The following HIP1 variants were observed in gnomAD, a reference collection of about 807,000 sequenced individuals.
HIP1 encodes huntingtin interacting protein 1, also known as huntingtin-interacting protein 1.
Under a neutral mutation model 147.6 loss-of-function variants are expected in HIP1, and 65 were observed. The observed-to-expected ratio is 0.44, with a 90% CI of 0.36 to 0.54. The LOEUF is 0.54. HIP1 is among the 20% of genes least tolerant of loss of function. HIP1 has a pLI of 0.00. For missense variants in HIP1, 1,061 were observed against 1,299.6 expected (o/e 0.82, Z 2.82); for synonymous variants, 479 against 504.0 (o/e 0.95, Z 0.67).
chr7:75,595,515 G>C (rs1338667473), intron 2 of HIP1, among the ~76,000 whole-genome samples: 1 of 150,938 alleles, frequency 6.6e-6, no homozygotes, highest in Non-Finnish European at 1.5e-5. Flanking sequence ...GCTAATTTTT[G>C]TTTTTTTTAG....
chr7:75,630,018 C>A (rs1324735933), intron 1 of HIP1, among the ~76,000 whole-genome samples: 3 of 152,078 alleles, frequency 2.0e-5, no homozygotes, highest in African/African-American at 7.2e-5. Flanking sequence ...AATTGCTGGG[C>A]ATGGTGGCAT....
intron 1 of HIP1, among the ~76,000 whole-genome samples, chr7:75,676,714 T>C (rs1554516082): frequency 6.7e-6 from 1 of 150,152 alleles, no homozygotes; most frequent in African/African-American, 2.5e-5. Context: ...AGGCGGAGGT[T>C]GCAGTGGGCC....
intron 1 of HIP1, among the ~76,000 whole-genome samples, chr7:75,608,654 G>C (rs979683475): frequency 1.3e-5 from 2 of 152,166 alleles, no homozygotes; most frequent in Non-Finnish European, 2.9e-5. Flanking sequence ...CTAGACCAAT[G>C]GGCAGAAGTC....
chr7:75,650,567 T>C (rs183005878), intron 1 of HIP1, among the ~76,000 whole-genome samples: 44 of 151,878 alleles, frequency 2.9e-4, no homozygotes, highest in African/African-American at 1.1e-3. Flanking sequence ...ATTTTCCTGT[T>C]TTAGCCTCCC....
Position 75,559,720 on chromosome 7 carries a change from C to A in HIP1, c.1375+12G>T, listed in dbSNP as rs1795152550. ...CCCCCGGGGCCCGCCCCCGCCCCCA[C>A]CCACCGCTCACTTTCTATCTCAGAC... is the stretch of plus-strand genomic sequence containing the variant. On this transcript the variant is annotated intron_variant, in intron 14 of 30. Transcript: ENST00000336926. 6.8e-7 allele frequency: 1 copy of A among 1,477,676 alleles called. No individual in the cohort carries two copies. Among genetic ancestry groups the A allele is most frequent in the East Asian group, 2.5e-5 (1 of 40,468 alleles). 91.5% of individuals were successfully genotyped at this position (1,477,676 alleles called of 1,614,324 possible). A position where few individuals can be genotyped will look rare whatever the true frequency, so the allele number is the denominator to read the frequency against.
At chr7:75,612,764 G>A (rs1319317960) in intron 1 of HIP1, among the ~76,000 whole-genome samples, 2 of 151,654 alleles carry the variant, frequency 1.3e-5, no homozygotes, top group Non-Finnish European at 2.9e-5. Context: ...AGCTGAGATC[G>A]TGCCATTGCA....
At chr7:75,657,994 T>C (rs1760969236) in intron 1 of HIP1, among the ~76,000 whole-genome samples, 1 of 152,166 alleles carries the variant, frequency 6.6e-6, no homozygotes, top group South Asian at 2.1e-4. Flanking sequence ...AAGAATGTGG[T>C]TGATCTAAAA....
At chr7:75,559,703 G>GGCGCC in intron 14 of HIP1, 29 bp downstream of exon 14, 1 of 1,195,144 alleles carries the variant, frequency 8.4e-7, no homozygotes, top group Non-Finnish European at 1.2e-6. Flanking sequence ...TGCCCCCGGG[G>GGCGCC]CCCGCCCCCG....
chr7:75,535,008 T>A lies in HIP1; in HGVS notation c.*3164A>T, dbSNP rs1794031358. 4.8e-6 allele frequency: 1 copy of A among 207,896 alleles called. No individual in the cohort carries two copies. The highest frequency in any genetic ancestry group is 5.9e-5 in the Admixed American group (1 of 16,834). 12.9% of individuals were successfully genotyped at this position (207,896 alleles called of 1,614,324 possible). ...TGTGTCATTAAATAGCTCTTCATCT[T>A]CATTTTTAGAAGAGTCACAATAGGA... On this transcript the variant is annotated 3_prime_UTR_variant, in exon 31 of 31. Coordinates refer to ENST00000336926, the MANE Select transcript of HIP1 (RefSeq NM_005338.7).
intron 1 of HIP1, among the ~76,000 whole-genome samples, chr7:75,724,036 A>C (rs1300326358): frequency 2.6e-5 from 4 of 151,996 alleles, no homozygotes; most frequent in Non-Finnish European, 4.4e-5. Context: ...AGCTCACTGC[A>C]ACCTCCGCCC....
At chr7:75,726,087 G>C (rs1801641353) in intron 1 of HIP1, among the ~76,000 whole-genome samples, 1 of 152,144 alleles carries the variant, frequency 6.6e-6, no homozygotes, top group African/African-American at 2.4e-5. Context: ...CAAATGATCT[G>C]CCTGCCTTGT....
At chr7:75,616,079 C>A (rs1584884178) in intron 1 of HIP1, among the ~76,000 whole-genome samples, 1 of 49,220 alleles carries the variant, frequency 2.0e-5, no homozygotes, top group Non-Finnish European at 3.7e-5. Context: ...GAGTAAGACT[C>A]TGTCTCAAAA....
chr7:75,559,859 C>T lies in HIP1; in HGVS notation c.1248G>A (p.Leu416=). 6.2e-7 allele frequency: 1 copy of T among 1,612,458 alleles called. No homozygotes were observed. Among genetic ancestry groups the T allele is most frequent in the Non-Finnish European group, 8.5e-7 (1 of 1,179,836 alleles). The change falls in exon 14 of 31, where the codon CTG becomes CTA. Residue 416 remains leucine (L), a synonymous_variant. Coordinates refer to ENST00000336926, the MANE Select transcript of HIP1 (RefSeq NM_005338.7). The stretch of plus-strand genomic sequence containing the variant: ...GCTGCCGCAGGTGCTGCTGCTCGGC[C>T]AGATCTGCTTCCAGCTCGCTGACGT... ...KGHVSELEAD[L]AEQQHLRQQA...
intron 4 of HIP1, among the ~76,000 whole-genome samples, chr7:75,591,576 G>A (rs1407689961): frequency 6.6e-6 from 1 of 152,064 alleles, no homozygotes; most frequent in Non-Finnish European, 1.5e-5. Context: ...CGGGACCAGT[G>A]GAAGGAGAAG....
chr7:75,727,845 CA>C (rs1169732794), intron 1 of HIP1, among the ~76,000 whole-genome samples: 7,276 of 67,258 alleles, frequency 0.11, 161 homozygotes, highest in African/African-American at 0.14. Flanking sequence ...GACTCCATCT[CA>C]AAAAAAAAAA....
intron 6 of HIP1, 114 bp downstream of exon 6, chr7:75,581,961 G>T: frequency 1.3e-6 from 1 of 793,326 alleles, no homozygotes; most frequent in Non-Finnish European, 2.1e-6. Flanking sequence ...CAGGGGCTTT[G>T]GTCCCCATCC....
intron 1 of HIP1, among the ~76,000 whole-genome samples, chr7:75,692,415 A>G (rs937695602): frequency 4.0e-5 from 5 of 126,038 alleles, no homozygotes; most frequent in Admixed American, 2.6e-4. Flanking sequence ...ACACACTGCC[A>G]TACCTGGCTA....
intron 1 of HIP1, among the ~76,000 whole-genome samples, chr7:75,643,559 G>A (rs113030121): frequency 6.6e-6 from 1 of 152,236 alleles, no homozygotes; most frequent in Non-Finnish European, 1.5e-5. Context: ...TATTGTGGAA[G>A]AGTGCATGGA....
intron 1 of HIP1, 115 bp from the exon 2 acceptor site, chr7:75,599,362 C>T: frequency 2.5e-6 from 2 of 800,044 alleles, no homozygotes; most frequent in Non-Finnish European, 4.2e-6. Context: ...CCTCCCCCAG[C>T]CCCACGGGTG....
Sources: allele counts gnomAD v4.1 joint callset (sites outside exome capture counted in the v4.1 genomes callset), GRCh38; gene constraint gnomAD v4.1.1; transcripts MANE v1.5; gene names NCBI Gene and HGNC (gene_info 2026-07-23, HGNC 2026-07-21).